Variants in GALNTL6 observed in about 807,000 individuals in gnomAD.
GALNTL6 encodes the protein polypeptide N-acetylgalactosaminyltransferase like 6.
In GALNTL6, 46 loss-of-function variants were observed where a neutral mutation model predicts 73.7. That is an observed-to-expected ratio of 0.62 (90% CI 0.49 to 0.80). The LOEUF is 0.80. Ranked by LOEUF, GALNTL6 falls within the 30% of genes least tolerant of loss-of-function variation. GALNTL6 has a pLI of 0.00. For synonymous variants in GALNTL6, 259 were observed against 263.7 expected (o/e 0.98, Z 0.17); for missense variants, 604 against 755.0 (o/e 0.80, Z 2.34).
chr4:172,426,916 T>TTATATATATATA (rs35184907), intron 5 of GALNTL6, among the ~76,000 whole-genome samples: 2 of 149,486 alleles, frequency 1.3e-5, no homozygotes, highest in African/African-American at 4.9e-5. Flanking sequence ...GTAAGGACTC[T>TTATATATATATA]TATATATATA....
chr4:172,131,851 A>T (rs762104054), intron 2 of GALNTL6, among the ~76,000 whole-genome samples: 48 of 152,110 alleles, frequency 3.2e-4, no homozygotes, highest in Non-Finnish European at 6.9e-4. Context: ...TTACTTTAAC[A>T]CTGGTCAACC....
rs149970937 is a variant in GALNTL6, at chr4:171,825,766, T to A, written c.138+11048T>A. 5.6e-3 allele frequency among the ~76,000 whole-genome samples: 855 copies of A among 152,274 alleles called. 16 individuals are homozygous for A. Among genetic ancestry groups the A allele is most frequent in the East Asian group, 0.029 (150 of 5,186 alleles). ...TAAAAGACAAGTTTCACATAGGGAC[T>A]GATTGGATCAATTATTAGCCCGATG... On this transcript the variant is annotated intron_variant, in intron 2 of 12. Coordinates refer to ENST00000506823, the MANE Select transcript of GALNTL6 (RefSeq NM_001034845.3).
chr4:172,251,817 C>T (rs1215713366), intron 3 of GALNTL6, among the ~76,000 whole-genome samples: 1 of 152,026 alleles, frequency 6.6e-6, no homozygotes, highest in East Asian at 1.9e-4. Context: ...CCTGGTGAAA[C>T]AGAACTTCAG....
At chr4:172,658,638 C>T (rs1731211648) in intron 5 of GALNTL6, among the ~76,000 whole-genome samples, 1 of 152,000 alleles carries the variant, frequency 6.6e-6, no homozygotes, top group South Asian at 2.1e-4. Flanking sequence ...GGAAGCACAT[C>T]GAATTAGCCA....
intron 5 of GALNTL6, among the ~76,000 whole-genome samples, chr4:172,680,779 G>C (rs979186819): frequency 6.6e-6 from 1 of 152,154 alleles, no homozygotes. Flanking sequence ...TGAAATCAAA[G>C]ACTGTCAAAA....
At chr4:172,530,273 C>G (rs1260152519) in intron 5 of GALNTL6, among the ~76,000 whole-genome samples, 2 of 152,044 alleles carry the variant, frequency 1.3e-5, no homozygotes, top group East Asian at 3.9e-4. Context: ...TTTTTAAACA[C>G]TCAGCCCTTT....
intron 5 of GALNTL6, among the ~76,000 whole-genome samples, chr4:172,682,961 C>G (rs1229246282): frequency 6.6e-6 from 1 of 152,056 alleles, no homozygotes; most frequent in Non-Finnish European, 1.5e-5. Context: ...ATCTTTATAA[C>G]ACAACTTTAG....
intron 5 of GALNTL6, among the ~76,000 whole-genome samples, chr4:172,761,691 C>CTCTCTT (rs1553985736): frequency 7.2e-5 from 11 of 151,800 alleles, no homozygotes; most frequent in Admixed American, 5.9e-4. Flanking sequence ...CTCTCTCTCT[C>CTCTCTT]TCTCTTTCTC....
intron 2 of GALNTL6, among the ~76,000 whole-genome samples, chr4:172,002,563 A>G (rs1208936248): frequency 2.6e-5 from 4 of 152,112 alleles, no homozygotes; most frequent in Non-Finnish European, 4.4e-5. Context: ...AATACTAACT[A>G]TATTTGAGTT....
chr4:171,933,027 A>C (rs1016615213), intron 2 of GALNTL6, among the ~76,000 whole-genome samples: 1 of 152,340 alleles, frequency 6.6e-6, no homozygotes, highest in Middle Eastern at 3.4e-3. Flanking sequence ...CTTATGAATT[A>C]GAATCTCCAT....
intron 2 of GALNTL6, among the ~76,000 whole-genome samples, chr4:172,209,581 A>T (rs1421651258): frequency 6.6e-6 from 1 of 152,090 alleles, no homozygotes; most frequent in African/African-American, 2.4e-5. Context: ...AATGAACATT[A>T]GCATCCAATC....
Position 172,436,700 on chromosome 4 carries a change from C to T in GALNTL6, c.553+88011C>T, listed in dbSNP as rs115730322. On this transcript the variant is annotated intron_variant, in intron 5 of 12. Transcript: ENST00000506823. ...ACTTGACTCAAGAGGCCATAAGGAA[C>T]AGCAGACTTACTCTCTCCTCTTGAC... Among the ~76,000 whole-genome samples the T allele has an allele frequency of 4.6e-3, 698 of 152,202 alleles. 8 individuals are homozygous for T. The highest frequency in any genetic ancestry group is 0.015 in the African/African-American group (633 of 41,520).
Position 172,959,792 on chromosome 4 carries a change from G to A in GALNTL6, c.1371+7534G>A, listed in dbSNP as rs193175088. On this transcript the variant is annotated intron_variant, in intron 10 of 12. Coordinates refer to ENST00000506823, the MANE Select transcript of GALNTL6 (RefSeq NM_001034845.3). ...TGGCTTAGGAGGAATCCTGGGCTGC[G>A]GGCATTCCTTGGCCCAGTGGCCAGA... Among the ~76,000 whole-genome samples the A allele has an allele frequency of 7.2e-3, 1,089 of 152,246 alleles. 10 individuals carry two copies. The highest frequency in any genetic ancestry group is 0.025 in the African/African-American group (1,040 of 41,548).
intron 5 of GALNTL6, among the ~76,000 whole-genome samples, chr4:172,687,458 T>G (rs7655768): frequency 0.42 from 63,147 of 151,294 alleles, 15,772 homozygotes; most frequent in East Asian, 0.68. Flanking sequence ...TGAAACCCCG[T>G]CTCTACTAAA....
chr4:172,705,272 T>A (rs1457050198), intron 5 of GALNTL6, among the ~76,000 whole-genome samples: 1 of 151,610 alleles, frequency 6.6e-6, no homozygotes, highest in African/African-American at 2.4e-5. Flanking sequence ...TCTTACTGCC[T>A]CCTTTTGTAG....
At chr4:172,882,763 T>C (rs6810619) in intron 7 of GALNTL6, 27 bp from the exon 8 acceptor site, 535,303 of 1,370,148 alleles carry the variant, frequency 0.39, 108,457 homozygotes, top group Non-Finnish European at 0.43. Flanking sequence ...TCATAGTCCT[T>C]TAAAGATTAT....
Position 172,507,237 on chromosome 4 carries a change from T to C in GALNTL6, c.553+158548T>C, listed in dbSNP as rs146175681. Among the ~76,000 whole-genome samples, 14 of 55,182 alleles carry C rather than the reference T, an allele frequency of 2.5e-4. 7 individuals carry two copies. In the East Asian group the frequency reaches 0.19, roughly 746 times the overall value. 36.2% of individuals were successfully genotyped at this position (55,182 alleles called of 152,430 possible). A position where few individuals can be genotyped will look rare whatever the true frequency, so the allele number is the denominator to read the frequency against. On this transcript the variant is annotated intron_variant, in intron 5 of 12. Transcript: ENST00000506823. The stretch of plus-strand genomic sequence containing the variant: ...AACAAGATAAGTCAGATAATTTCTT[T>C]ATAGCCAAATTTTACAAAGGATCTG...
At chr4:172,617,652 T>G (rs1378199609) in intron 5 of GALNTL6, among the ~76,000 whole-genome samples, 2 of 151,848 alleles carry the variant, frequency 1.3e-5, no homozygotes, top group Non-Finnish European at 2.9e-5. Context: ...AATTTTTTTT[T>G]TTGTATTTTT....
Position 172,491,998 on chromosome 4 carries a change from A to G in GALNTL6, c.553+143309A>G, listed in dbSNP as rs116608968. Among the ~76,000 whole-genome samples the G allele has an allele frequency of 8.5e-3, 1,295 of 152,296 alleles. 13 individuals are homozygous for G. Among genetic ancestry groups the G allele is most frequent in the East Asian group, 0.039 (205 of 5,190 alleles). ...TTCATTCATTTATTTCCAAATATCC[A>G]TTGAGTGGTTCTAACCTGCCAGGTA... is the stretch of plus-strand genomic sequence containing the variant. On this transcript the variant is annotated intron_variant, in intron 5 of 12. Transcript: ENST00000506823.
Sources: gnomAD v4.1 joint callset for allele counts (sites outside exome capture counted in the v4.1 genomes callset) on GRCh38, gnomAD v4.1.1 for gene constraint, MANE v1.5 for transcripts, NCBI Gene and HGNC (gene_info 2026-07-23, HGNC 2026-07-21) for gene names.